VPS54: variants seen among roughly 807,000 people sequenced by gnomAD.
VPS54 encodes the protein VPS54 subunit of GARP complex.
Under a neutral mutation model 121.5 loss-of-function variants are expected in VPS54, and 45 were observed. That is an observed-to-expected ratio of 0.37 (90% CI 0.29 to 0.47). The LOEUF is 0.47. VPS54 is among the 20% of genes least tolerant of loss of function. The pLI is 0.99. For missense variants in VPS54, 1,090 were observed against 1,131.4 expected (o/e 0.96, Z 0.52); for synonymous variants, 371 against 385.8 (o/e 0.96, Z 0.45).
intron 1 of VPS54, among the ~76,000 whole-genome samples, chr2:64,001,208 A>T (rs909215888): frequency 1.3e-5 from 2 of 152,114 alleles, no homozygotes; most frequent in African/African-American, 4.8e-5. Context: ...TGTTCACAAG[A>T]TACAAGGGCT....
chr2:63,931,025 A>C (rs899200126), intron 12 of VPS54, among the ~76,000 whole-genome samples: 3 of 152,216 alleles, frequency 2.0e-5, no homozygotes, highest in Non-Finnish European at 4.4e-5. Context: ...GGACACAAAC[A>C]AATGGAAAAA....
At chr2:63,902,171 A>G (rs988514257) in intron 20 of VPS54, among the ~76,000 whole-genome samples, 1 of 152,232 alleles carries the variant, frequency 6.6e-6, no homozygotes, top group Non-Finnish European at 1.5e-5. Context: ...GAGACCAGAC[A>G]AGAAGAACAA....
chr2:63,974,971 A>AG (rs1491188624), intron 3 of VPS54: 3 of 1,546,050 alleles, frequency 1.9e-6, no homozygotes, highest in African/African-American at 2.7e-5. Flanking sequence ...AAACAGTGAC[A>AG]GGGGACATCC....
Position 63,933,810 on chromosome 2 carries a change from A to G in VPS54, c.1602T>C (p.Thr534=). 2 of 1,613,936 alleles carry G rather than the reference A, an allele frequency of 1.2e-6. No homozygotes were observed. Among genetic ancestry groups the G allele is most frequent in the Non-Finnish European group, 1.7e-6 (2 of 1,179,860 alleles). The change falls in exon 12 of 23, where the codon ACT becomes ACC. Residue 534 remains threonine (T), a synonymous_variant. Coordinates refer to ENST00000272322, the MANE Select transcript of VPS54 (RefSeq NM_016516.3). ...EGELTPIAVD[T]TSQRNASPNS... The stretch of plus-strand genomic sequence containing the variant: ...TTGGAGATGCATTTCTTTGAGAGGT[A>G]GTGTCAACTGCTATAGGTGTTAGCT...
intron 7 of VPS54, among the ~76,000 whole-genome samples, chr2:63,954,476 T>C (rs141807103): frequency 1.8e-4 from 28 of 152,260 alleles, no homozygotes; most frequent in African/African-American, 6.7e-4. Flanking sequence ...TCCTGTCTAA[T>C]CTTGTAAGAA....
At chr2:64,007,813 T>C (rs1678236425) in intron 1 of VPS54, among the ~76,000 whole-genome samples, 1 of 152,108 alleles carries the variant, frequency 6.6e-6, no homozygotes, top group Admixed American at 6.5e-5. Context: ...ACAGGGAAGA[T>C]GTGTCAGGAA....
intron 10 of VPS54, among the ~76,000 whole-genome samples, chr2:63,943,302 A>G (rs1674823434): frequency 6.6e-6 from 1 of 152,210 alleles, no homozygotes; most frequent in African/African-American, 2.4e-5. Flanking sequence ...AATTTTTAAT[A>G]AACGCAGCTT....
chr2:63,954,854 G>A (rs1432413325), intron 7 of VPS54, among the ~76,000 whole-genome samples: 1 of 151,910 alleles, frequency 6.6e-6, no homozygotes, highest in East Asian at 1.9e-4. Flanking sequence ...AGACAACCCA[G>A]TTTCTTCGAT....
chr2:63,991,838 G>C (rs185679006), intron 1 of VPS54, among the ~76,000 whole-genome samples: 1 of 152,310 alleles, frequency 6.6e-6, no homozygotes, highest in African/African-American at 2.4e-5. Context: ...TTTACCTACA[G>C]TCAACCCAGA....
chr2:63,986,597 T>C (rs1052307987), intron 1 of VPS54, among the ~76,000 whole-genome samples: 1 of 152,244 alleles, frequency 6.6e-6, no homozygotes, highest in African/African-American at 2.4e-5. Context: ...ACTGATTTCA[T>C]TTATTGTATA....
intron 1 of VPS54, among the ~76,000 whole-genome samples, chr2:63,987,932 G>C (rs572799426): frequency 2.0e-5 from 3 of 151,972 alleles, no homozygotes; most frequent in African/African-American, 7.3e-5. Context: ...GAATTCTTTA[G>C]GTTTATCCAA....
intron 10 of VPS54, 40 bp from the exon 11 acceptor site, chr2:63,942,601 T>C (rs1194478715): frequency 1.4e-6 from 2 of 1,472,960 alleles, no homozygotes; most frequent in South Asian, 2.5e-5. Flanking sequence ...TGATTGTCTC[T>C]GGGCCAATCA....
intron 11 of VPS54, among the ~76,000 whole-genome samples, chr2:63,936,362 T>C (rs936815075): frequency 6.6e-5 from 10 of 151,668 alleles, no homozygotes; most frequent in Non-Finnish European, 1.0e-4. Context: ...TACATAATAC[T>C]TTCAACAGTA....
intron 6 of VPS54, among the ~76,000 whole-genome samples, chr2:63,964,931 G>T (rs761147729): frequency 5.3e-5 from 8 of 152,176 alleles, no homozygotes; most frequent in Non-Finnish European, 7.3e-5. Flanking sequence ...CTCTTGATAA[G>T]TAAATTATAT....
chr2:63,899,700 A>C, intron 20 of VPS54, 119 bp from the exon 21 acceptor site: 1 of 768,636 alleles, frequency 1.3e-6, no homozygotes, highest in Admixed American at 2.6e-5. Context: ...CATAGTACTT[A>C]AGCTTACACT....
Position 63,912,360 on chromosome 2 carries a change from G to A in VPS54, c.2610C>T (p.Asp870=). 5.6e-6 allele frequency: 9 copies of A among 1,609,198 alleles called. No individual in the cohort carries two copies. The highest frequency in any genetic ancestry group is 6.8e-6 in the Non-Finnish European group (8 of 1,177,338). Residue 870 remains aspartate, a synonymous_variant, in exon 20 of 23, where the codon GAC becomes GAT. Transcript: ENST00000272322. Reference sequence around the variant, plus strand: ...AAATCATTACCTTAGATAACAGCTTGTCAAATAAGCTATCCATTATCGCTA... The same window carrying A: ...AAATCATTACCTTAGATAACAGCTTATCAAATAAGCTATCCATTATCGCTA... The part of the protein sequence containing the change: ...KLVAIMDSLF[D]KLLSKYEVKA...
chr2:63,923,273 A>C (rs1391805468), intron 12 of VPS54, among the ~76,000 whole-genome samples: 1 of 151,864 alleles, frequency 6.6e-6, no homozygotes, highest in Non-Finnish European at 1.5e-5. Context: ...CCGAGATCGC[A>C]CCACTGCACT....
chr2:63,906,434 A>C (rs1295992158), intron 20 of VPS54, among the ~76,000 whole-genome samples: 2 of 152,262 alleles, frequency 1.3e-5, no homozygotes, highest in Non-Finnish European at 2.9e-5. Context: ...AATAGCATCA[A>C]AAATGAAGAA....
At chr2:63,965,471 G>A (rs7420396) in intron 6 of VPS54, among the ~76,000 whole-genome samples, 30,095 of 151,976 alleles carry the variant, frequency 0.2, 4,393 homozygotes, top group East Asian at 0.77. Context: ...GCGAGACTCC[G>A]TCTCAAAAAA....
Sources: allele counts gnomAD v4.1 joint callset (sites outside exome capture counted in the v4.1 genomes callset), GRCh38; gene constraint gnomAD v4.1.1; transcripts MANE v1.5; gene names NCBI Gene and HGNC (gene_info 2026-07-23, HGNC 2026-07-21).